Variants in FRMD6 observed in about 807,000 individuals in gnomAD.
FRMD6 encodes FERM domain containing 6, also known as FERM domain-containing protein 6.
FRMD6 carries 37 observed loss-of-function variants against 73.2 expected under a neutral mutation model. The ratio of observed to expected loss-of-function variants is 0.51; its 90% CI spans 0.39 to 0.66. The LOEUF is 0.66. FRMD6 is among the 30% of genes least tolerant of loss of function. FRMD6 has a pLI of 0.00. For synonymous variants in FRMD6, 273 were observed against 282.2 expected, an observed-to-expected ratio of 0.97 and a Z score of 0.33; for missense variants, 714 against 780.5, an observed-to-expected ratio of 0.91 and a Z score of 1.02.
At chr14:51,472,364 T>C in the FRMD6 span, among the ~76,000 whole-genome samples, 7 of 152,158 alleles carry the variant, frequency 4.6e-5, no homozygotes, top group Admixed American at 6.5e-5. Flanking sequence ...AGTGCAGTGG[T>C]GCGATCTCAG....
At chr14:51,697,903 T>C (rs1208242936) in intron 2 of FRMD6, 2 of 352,074 alleles carry the variant, frequency 5.7e-6, no homozygotes, top group Admixed American at 4.4e-5. Context: ...GCTTTGTCCA[T>C]GTATGGTAAG....
chr14:51,483,745 T>C, the FRMD6 span, among the ~76,000 whole-genome samples: 1 of 152,374 alleles, frequency 6.6e-6, no homozygotes, highest in Admixed American at 6.5e-5. Flanking sequence ...CTCAGTACTA[T>C]TGAATATTGC....
At chr14:51,437,440 C>T in the FRMD6 span, among the ~76,000 whole-genome samples, 1 of 152,108 alleles carries the variant, frequency 6.6e-6, no homozygotes, top group Non-Finnish European at 1.5e-5. Flanking sequence ...GTAGCTGGGA[C>T]TACAGGCAAG....
At chr14:51,648,696 G>A (rs1892190006), upstream of FRMD6, among the ~76,000 whole-genome samples, 1 of 152,176 alleles carries the variant, frequency 6.6e-6, no homozygotes. Flanking sequence ...TGTTGTAACT[G>A]TTAACTCACG....
chr14:51,725,895 A>C (rs370402248), intron 13 of FRMD6, 25 bp downstream of exon 13: 11 of 1,549,438 alleles, frequency 7.1e-6, no homozygotes, highest in Non-Finnish European at 9.8e-6. Context: ...GAAAAATATC[A>C]GTTAGGAAAC....
chr14:51,585,329 C>T lies in FRMD6; in HGVS notation c.-147+14919C>T, dbSNP rs77009787. On this transcript the variant is annotated intron_variant, in intron 2 of 14. Coordinates refer to the FRMD6 transcript ENST00000356218. ...CACATACGACTTAAATTTGTCCCAGCGGAGGGAGGGAGTGACCCCTTTCTC... is the reference window on the plus strand; with the variant it reads ...CACATACGACTTAAATTTGTCCCAGTGGAGGGAGGGAGTGACCCCTTTCTC... Among the ~76,000 whole-genome samples, 1,290 of 152,240 alleles carry T rather than the reference C, an allele frequency of 8.5e-3. 8 individuals carry two copies. Among genetic ancestry groups the T allele is most frequent in the Middle Eastern group, 0.024 (7 of 294 alleles).
At chr14:51,487,548 T>TGC (rs1882796355), upstream of FRMD6, among the ~76,000 whole-genome samples, 1 of 152,230 alleles carries the variant, frequency 6.6e-6, no homozygotes, top group Admixed American at 6.5e-5. Flanking sequence ...ATGGGTCACA[T>TGC]TTTGAATAGC....
chr14:51,572,268 G>C (rs1222277294), intron 2 of FRMD6, among the ~76,000 whole-genome samples: 1 of 152,226 alleles, frequency 6.6e-6, no homozygotes, highest in Non-Finnish European at 1.5e-5. Flanking sequence ...CAAAGGACCA[G>C]AAGAGGATCT....
the FRMD6 span, among the ~76,000 whole-genome samples, chr14:51,409,897 T>A: frequency 3.7e-3 from 569 of 152,268 alleles, 4 homozygotes; most frequent in African/African-American, 0.013. Flanking sequence ...CCCAACGCAG[T>A]ATGTTTCACA....
chr14:51,590,059 ACT>A (rs1291766846), intron 2 of FRMD6, among the ~76,000 whole-genome samples: 4 of 137,558 alleles, frequency 2.9e-5, no homozygotes, highest in Non-Finnish European at 4.5e-5. Context: ...CAAGAGCGAA[ACT>A]CAAAAAAAAA....
At chr14:51,718,095 G>A (rs1897332545) in intron 10 of FRMD6, among the ~76,000 whole-genome samples, 1 of 152,188 alleles carries the variant, frequency 6.6e-6, no homozygotes, top group African/African-American at 2.4e-5. Flanking sequence ...GGGATGAGAG[G>A]TTGCATTTTA....
At chr14:51,653,620 TG>T (rs1892595169) in intron 1 of FRMD6, among the ~76,000 whole-genome samples, 1 of 151,552 alleles carries the variant, frequency 6.6e-6, no homozygotes, top group Admixed American at 6.6e-5. Flanking sequence ...GGATGGAGAG[TG>T]GGGGAGGGGA....
At position 51,494,048 on chromosome 14, in the gene FRMD6, T is replaced by C. The variant is rs985478537; in HGVS notation, c.-210+4628T>C. 3.6e-4 allele frequency among the ~76,000 whole-genome samples: 55 copies of C among 152,290 alleles called. 1 individual carries two copies. Among genetic ancestry groups the C allele is most frequent in the Middle Eastern group, 6.8e-3 (2 of 294 alleles). ...TTTAAATAAGGGCACTAATCCCAAT[T>C]ATGTGGATTCATAAGGATTTCAACC... On this transcript the variant is annotated intron_variant, in intron 1 of 14. Coordinates refer to the FRMD6 transcript ENST00000356218.
chr14:51,465,042 T>G, the FRMD6 span, among the ~76,000 whole-genome samples: 5 of 151,576 alleles, frequency 3.3e-5, no homozygotes, highest in Non-Finnish European at 7.4e-5. Flanking sequence ...CACCAGAAAT[T>G]AAAAGAATGG....
chr14:51,668,153 A>G (rs962934464), intron 1 of FRMD6, among the ~76,000 whole-genome samples: 1 of 152,244 alleles, frequency 6.6e-6, no homozygotes, highest in Non-Finnish European at 1.5e-5. Context: ...TCACATTATC[A>G]GTCATTTGTT....
At chr14:51,508,104 C>T (rs539211995) in intron 1 of FRMD6, among the ~76,000 whole-genome samples, 1 of 152,340 alleles carries the variant, frequency 6.6e-6, no homozygotes, top group South Asian at 2.1e-4. Context: ...TCAGTCCTCC[C>T]TGCAGCTGCT....
At chr14:51,513,012 G>A (rs1884404231) in intron 1 of FRMD6, among the ~76,000 whole-genome samples, 1 of 152,214 alleles carries the variant, frequency 6.6e-6, no homozygotes, top group African/African-American at 2.4e-5. Flanking sequence ...AGGAGACAGA[G>A]AGGCTTTCCA....
chr14:51,727,829 C>T lies in FRMD6; in HGVS notation c.1669C>T (p.Arg557Cys), dbSNP rs201748516. Residue 557 changes from arginine (R) to cysteine (C), a missense_variant, in exon 14 of 14, where the codon CGC (arginine) becomes TGC (cysteine). By Grantham distance (180) the Arg-to-Cys change is radical. Coordinates refer to ENST00000344768, the MANE Select transcript of FRMD6 (RefSeq NM_001267046.2). The part of the protein sequence containing the change: ...DIRLYQKDFL[R>C]IAGLCQDTAQ... ...CAGACTTTACCAGAAAGACTTCCTG[C>T]GCATTGCAGGTCTGTGTCAGGACAC... 46 of 1,614,118 alleles carry T rather than the reference C, an allele frequency of 2.8e-5. No homozygotes were observed. In the East Asian group the frequency reaches 8.5e-4, roughly 30 times the overall value.
the FRMD6 span, among the ~76,000 whole-genome samples, chr14:51,471,975 C>G: frequency 6.6e-6 from 1 of 152,314 alleles, no homozygotes; most frequent in Non-Finnish European, 1.5e-5. Flanking sequence ...TCCATCTCTC[C>G]AGAAGACGCA....
Sources: gnomAD v4.1 joint callset for allele counts (sites outside exome capture counted in the v4.1 genomes callset) on GRCh38, gnomAD v4.1.1 for gene constraint, MANE v1.5 for transcripts, NCBI Gene and HGNC (gene_info 2026-07-23, HGNC 2026-07-21) for gene names.